SPHKAP: variants seen among roughly 807,000 people sequenced by gnomAD.
SPHKAP encodes the protein A-kinase anchor protein SPHKAP.
SPHKAP carries 67 observed loss-of-function variants against 137.5 expected under a neutral mutation model. The observed-to-expected ratio is 0.49, with a 90% CI of 0.40 to 0.60. SPHKAP has a LOEUF of 0.60. Ranked by LOEUF, SPHKAP falls within the 20% of genes least tolerant of loss-of-function variation. The pLI is 0.00. For synonymous variants in SPHKAP, 813 were observed against 785.3 expected, an observed-to-expected ratio of 1.04 and a Z score of -0.59; for missense variants, 2,097 against 2,069.3, an observed-to-expected ratio of 1.01 and a Z score of -0.26.
intron 7 of SPHKAP, among the ~76,000 whole-genome samples, chr2:228,005,785 A>G (rs965929487): frequency 3.3e-5 from 5 of 152,110 alleles, no homozygotes; most frequent in African/African-American, 1.2e-4. Flanking sequence ...TCTGTAAAGT[A>G]TTTTATTTCT....
intron 3 of SPHKAP, among the ~76,000 whole-genome samples, chr2:228,062,558 T>A (rs1282972070): frequency 2.0e-5 from 3 of 151,890 alleles, no homozygotes; most frequent in East Asian, 3.9e-4. Flanking sequence ...TCATTTTTTT[T>A]AAATAATAGA....
intron 7 of SPHKAP, among the ~76,000 whole-genome samples, chr2:228,015,891 G>T (rs1450551566): frequency 6.6e-6 from 1 of 152,110 alleles, no homozygotes; most frequent in Admixed American, 6.5e-5. Context: ...AATGTCAAAT[G>T]CCAAAACTAA....
intron 4 of SPHKAP, chr2:228,025,894 C>T (rs982763688): frequency 1.4e-4 from 138 of 984,494 alleles, no homozygotes; most frequent in Non-Finnish European, 1.5e-4. Context: ...AATAATCTTC[C>T]GATATGGCTT....
chr2:228,003,862 A>C (rs1383155050), intron 7 of SPHKAP, among the ~76,000 whole-genome samples: 2 of 152,164 alleles, frequency 1.3e-5, no homozygotes, highest in Admixed American at 1.3e-4. Context: ...ACCTGATTAC[A>C]TTTATTGATT....
chr2:227,982,581 A>G (rs1196052700), intron 11 of SPHKAP, among the ~76,000 whole-genome samples: 1 of 152,238 alleles, frequency 6.6e-6, no homozygotes, highest in Non-Finnish European at 1.5e-5. Flanking sequence ...GATGAAGTCC[A>G]GTGTGAAGGA....
intron 3 of SPHKAP, among the ~76,000 whole-genome samples, chr2:228,029,875 A>T (rs921669690): frequency 6.6e-6 from 1 of 152,140 alleles, no homozygotes; most frequent in African/African-American, 2.4e-5. Context: ...GCTCCTGGGC[A>T]TGACAAAGCT....
chr2:228,025,955 G>C, intron 4 of SPHKAP: 2 of 760,086 alleles, frequency 2.6e-6, no homozygotes, highest in Non-Finnish European at 1.6e-6. Context: ...TAATTGCCAC[G>C]TGTTGTGGGA....
chr2:228,086,063 T>C (rs1308664382), intron 3 of SPHKAP, among the ~76,000 whole-genome samples: 1 of 151,900 alleles, frequency 6.6e-6, no homozygotes, highest in Non-Finnish European at 1.5e-5. Context: ...GCATGTAATA[T>C]GAAGTGAAAA....
At chr2:228,107,048 T>C (rs936378876) in intron 3 of SPHKAP, among the ~76,000 whole-genome samples, 4 of 149,830 alleles carry the variant, frequency 2.7e-5, no homozygotes, top group African/African-American at 7.3e-5. Flanking sequence ...CTAATGAACA[T>C]ATGCATTAAC....
At chr2:228,013,859 A>G (rs1482280324) in intron 7 of SPHKAP, among the ~76,000 whole-genome samples, 1 of 152,132 alleles carries the variant, frequency 6.6e-6, no homozygotes, top group Non-Finnish European at 1.5e-5. Context: ...TTTAGTCCTT[A>G]TGTTTTGGAA....
At chr2:228,022,575 T>C (rs1427236121) in intron 5 of SPHKAP, among the ~76,000 whole-genome samples, 1 of 152,168 alleles carries the variant, frequency 6.6e-6, no homozygotes, top group African/African-American at 2.4e-5. Flanking sequence ...AGCTCCCAGG[T>C]CCTTGAGAAA....
chr2:228,130,155 T>C (rs1699206013), intron 2 of SPHKAP, among the ~76,000 whole-genome samples: 2 of 152,136 alleles, frequency 1.3e-5, no homozygotes, highest in African/African-American at 4.8e-5. Flanking sequence ...TTCAGTAGCT[T>C]CTAGATGGTA....
At chr2:228,077,833 G>T (rs753817869) in intron 3 of SPHKAP, among the ~76,000 whole-genome samples, 7 of 152,122 alleles carry the variant, frequency 4.6e-5, no homozygotes, top group Non-Finnish European at 8.8e-5. Flanking sequence ...ATATAGTTTG[G>T]CTGTGTCCCC....
rs1559156340 is a variant in SPHKAP at position 228,068,550 on chromosome 2, T to G, written c.246+40282A>C. 2.6e-5 allele frequency among the ~76,000 whole-genome samples: 4 copies of G among 152,168 alleles called. No homozygotes were observed. In the South Asian group the frequency reaches 6.2e-4, roughly 24 times the overall value. The stretch of plus-strand genomic sequence containing the variant: ...AAACAGATACACTGACCATTTGCAG[T>G]CAACTTGTTTTCAACAAAGGTGCCA... On this transcript the variant is annotated intron_variant, in intron 3 of 11. Coordinates refer to ENST00000392056, the MANE Select transcript of SPHKAP (RefSeq NM_001142644.2).
chr2:227,990,844 A>T, intron 11 of SPHKAP, 156 bp downstream of exon 11: 1 of 715,168 alleles, frequency 1.4e-6, no homozygotes, highest in Non-Finnish European at 2.3e-6. Flanking sequence ...ATATTTACAC[A>T]GGTGGAAGAT....
chr2:228,103,594 C>T (rs1028126593), intron 3 of SPHKAP, among the ~76,000 whole-genome samples: 2 of 152,200 alleles, frequency 1.3e-5, no homozygotes, highest in African/African-American at 4.8e-5. Flanking sequence ...CTGCCCTCCG[C>T]AGCCTGCTGC....
intron 3 of SPHKAP, among the ~76,000 whole-genome samples, chr2:228,068,771 AT>A (rs1311023271): frequency 1.3e-5 from 2 of 152,196 alleles, no homozygotes; most frequent in African/African-American, 4.8e-5. Context: ...GTTTGGAATT[AT>A]TTCTTTTGTT....
intron 3 of SPHKAP, among the ~76,000 whole-genome samples, chr2:228,060,091 T>G (rs951191915): frequency 2.6e-5 from 4 of 152,180 alleles, no homozygotes; most frequent in East Asian, 1.9e-4. Flanking sequence ...TCTGTTCTTT[T>G]AACCACTACA....
At chr2:228,053,644 T>A (rs1454388884) in intron 3 of SPHKAP, among the ~76,000 whole-genome samples, 1 of 152,210 alleles carries the variant, frequency 6.6e-6, no homozygotes, top group African/African-American at 2.4e-5. Context: ...TCTGATTTAT[T>A]GAAAAACTAC....
Sources: allele counts gnomAD v4.1 joint callset (sites outside exome capture counted in the v4.1 genomes callset), GRCh38; gene constraint gnomAD v4.1.1; transcripts MANE v1.5; gene names NCBI Gene and HGNC (gene_info 2026-07-23, HGNC 2026-07-21).